Variants in SF3A1 observed in about 807,000 individuals in gnomAD.
SF3A1 encodes SAP 114.
A neutral mutation model predicts 89.9 loss-of-function variants in SF3A1; 13 were observed. That is an observed-to-expected ratio of 0.14 (90% CI 0.09 to 0.23). SF3A1 has a LOEUF of 0.23. Among genes scored for constraint, SF3A1 ranks in the 10% least tolerant of loss-of-function variants. The pLI is 1.00. For missense variants in SF3A1, 604 were observed against 1,022.1 expected, an observed-to-expected ratio of 0.59 and a Z score of 5.58; for synonymous variants, 405 against 374.4, an observed-to-expected ratio of 1.08 and a Z score of -0.94.
chr22:30,340,427 C>A lies in SF3A1; in HGVS notation c.1190-46G>T, dbSNP rs114920703. ...CAGTAAGAACACTGGTGGGCAGCCA[C>A]CTGAGTTAAGAGGGTGGTATTTCAT... On this transcript the variant is annotated intron_variant, in intron 8 of 15. Transcript: ENST00000215793. 2,446 of 1,590,332 alleles carry A rather than the reference C, an allele frequency of 1.5e-3. 34 individuals are homozygous for A. In the African/African-American group the frequency reaches 0.027, roughly 18 times the overall value.
In SF3A1 at chr22:30,334,423, GA is replaced by G. The variant is rs1931004100; in HGVS notation, c.*170del. The G allele has an allele frequency of 2.7e-5, 14 of 510,712 alleles. No homozygotes were observed. In the South Asian group the frequency reaches 3.5e-4, roughly 13 times the overall value. 31.6% of individuals were successfully genotyped at this position (510,712 alleles called of 1,614,324 possible). A position where few individuals can be genotyped will look rare whatever the true frequency, so the allele number is the denominator to read the frequency against. ...ACCCAGCTACTCTTACCAATGTGGG[GA>G]AAGGGTCAGGGGAATGAACCTCTGC... On this transcript the variant is annotated 3_prime_UTR_variant, in exon 16 of 16. Coordinates refer to ENST00000215793, the MANE Select transcript of SF3A1 (RefSeq NM_005877.6).
intron 13 of SF3A1, 100 bp downstream of exon 13, chr22:30,336,926 C>T: frequency 7.0e-7 from 1 of 1,435,284 alleles, no homozygotes; most frequent in Non-Finnish European, 9.8e-7. Flanking sequence ...CCCCAGAAGC[C>T]AAGACTGGGA....
chr22:30,349,701 T>C (rs891025179), intron 2 of SF3A1, among the ~76,000 whole-genome samples: 3 of 151,182 alleles, frequency 2.0e-5, no homozygotes, highest in African/African-American at 4.9e-5. Flanking sequence ...GGTCTTGCTC[T>C]ATCGCCCCAG....
rs1474994907 is a variant in SF3A1 at position 30,338,777 on chromosome 22, A to T, written c.1743+12T>A. ...TCTAAAAAAGTCAGTTCCAGGGTAG[A>T]TGCTGGCTTACTGTGGGTGGTCGGG... On this transcript the variant is annotated intron_variant, in intron 11 of 15. Coordinates refer to ENST00000215793, the MANE Select transcript of SF3A1 (RefSeq NM_005877.6). 1.9e-6 allele frequency: 3 copies of T among 1,613,842 alleles called. No individual in the cohort carries two copies. The highest frequency in any genetic ancestry group is 1.7e-4 in the Middle Eastern group (1 of 5,842).
intron 1 of SF3A1, among the ~76,000 whole-genome samples, chr22:30,355,145 T>G (rs1236205905): frequency 6.6e-6 from 1 of 151,984 alleles, no homozygotes; most frequent in African/African-American, 2.4e-5. Context: ...TCCCGAATAG[T>G]GGGGATTACA....
Position 30,335,460 on chromosome 22 carries a change from G to C in SF3A1, c.2280+7C>G. ...CAAGGGACAGGTCTGTGGACAAACTGACTCACCTCATACTGTAGCTTCTGT... is the reference window on the plus strand; with the variant it reads ...CAAGGGACAGGTCTGTGGACAAACTCACTCACCTCATACTGTAGCTTCTGT... On this transcript the variant is annotated splice_region_variant and intron_variant, in intron 15 of 15. Coordinates refer to ENST00000215793, the MANE Select transcript of SF3A1 (RefSeq NM_005877.6). The C allele has an allele frequency of 2.5e-6, 4 of 1,613,114 alleles. No individual in the cohort carries two copies. Among genetic ancestry groups the C allele is most frequent in the Non-Finnish European group, 3.4e-6 (4 of 1,179,148 alleles).
chr22:30,355,195 T>A (rs1241554552), intron 1 of SF3A1, among the ~76,000 whole-genome samples: 1 of 152,124 alleles, frequency 6.6e-6, no homozygotes, highest in Non-Finnish European at 1.5e-5. Context: ...TTATTTTTAG[T>A]AGAGACAGTT....
intron 4 of SF3A1, among the ~76,000 whole-genome samples, chr22:30,344,416 A>G (rs941870572): frequency 6.6e-6 from 1 of 152,254 alleles, no homozygotes. Flanking sequence ...TTATAAGCTG[A>G]AGAACCAAAG....
At chr22:30,354,709 C>T (rs576806812) in intron 1 of SF3A1, among the ~76,000 whole-genome samples, 26 of 152,308 alleles carry the variant, frequency 1.7e-4, no homozygotes, top group African/African-American at 6.0e-4. Flanking sequence ...CCCAGTCACC[C>T]ATGCCAGAAA....
intron 2 of SF3A1, among the ~76,000 whole-genome samples, chr22:30,350,082 A>G (rs1407108452): frequency 1.3e-5 from 2 of 152,188 alleles, no homozygotes; most frequent in African/African-American, 4.8e-5. Context: ...TGAGCCACAC[A>G]GAATTTTCTT....
Position 30,334,565 on chromosome 22 carries a change from G to T in SF3A1, c.*29C>A, listed in dbSNP as rs1321931449. ...GGTGGGAGACAGGAGAGGCAAAATG[G>T]CAGGGACTTGACAGCAGGTTCCTCT... On this transcript the variant is annotated 3_prime_UTR_variant, in exon 16 of 16. Coordinates refer to ENST00000215793, the MANE Select transcript of SF3A1 (RefSeq NM_005877.6). 6.9e-7 allele frequency: 1 copy of T among 1,459,218 alleles called. No homozygotes were observed. The highest frequency in any genetic ancestry group is 9.3e-7 in the Non-Finnish European group (1 of 1,078,890). 90.4% of individuals were successfully genotyped at this position (1,459,218 alleles called of 1,614,324 possible). A position where few individuals can be genotyped will look rare whatever the true frequency, so the allele number is the denominator to read the frequency against.
At position 30,348,155 on chromosome 22, in the gene SF3A1, G is replaced by A. The variant is rs75746442; in HGVS notation, c.186-1636C>T. Among the ~76,000 whole-genome samples, 1,023 of 152,316 alleles carry A rather than the reference G, an allele frequency of 6.7e-3. 18 individuals are homozygous for A. The highest frequency in any genetic ancestry group is 0.029 in the Admixed American group (450 of 15,302). On this transcript the variant is annotated intron_variant, in intron 2 of 15. Coordinates refer to ENST00000215793, the MANE Select transcript of SF3A1 (RefSeq NM_005877.6). Reference sequence around the variant, plus strand: ...CCAGCCCTCAAAGTCTTTTCAAATCGTACAGTGGCCTGCAAATGCAAGGGG... The same window carrying A: ...CCAGCCCTCAAAGTCTTTTCAAATCATACAGTGGCCTGCAAATGCAAGGGG...
chr22:30,334,483 G>A lies in SF3A1; in HGVS notation c.*111C>T, dbSNP rs1328185736. On this transcript the variant is annotated 3_prime_UTR_variant, in exon 16 of 16. Coordinates refer to ENST00000215793, the MANE Select transcript of SF3A1 (RefSeq NM_005877.6). ...TTGAATTCCCAAACTGAGTAAGAGC[G>A]AAACAAATATGCAGGCAAGGCAAAG... 4 of 659,688 alleles carry A rather than the reference G, an allele frequency of 6.1e-6. No individual in the cohort carries two copies. The highest frequency in any genetic ancestry group is 3.8e-5 in the African/African-American group (2 of 52,888). 40.9% of individuals were successfully genotyped at this position (659,688 alleles called of 1,614,324 possible).
intron 12 of SF3A1, 21 bp from the exon 13 acceptor site, chr22:30,337,201 A>C: frequency 1.9e-6 from 3 of 1,590,178 alleles, no homozygotes; most frequent in Non-Finnish European, 1.7e-6. Context: ...AAGAATAAGC[A>C]GCCCCATGAG....
chr22:30,348,808 G>A (rs763322797), intron 2 of SF3A1, among the ~76,000 whole-genome samples: 5 of 152,138 alleles, frequency 3.3e-5, no homozygotes, highest in Admixed American at 6.5e-5. Flanking sequence ...CAAATGCCTC[G>A]GGCAGACAAA....
chr22:30,347,672 C>T (rs919782797), intron 2 of SF3A1, among the ~76,000 whole-genome samples: 17 of 152,198 alleles, frequency 1.1e-4, no homozygotes, highest in African/African-American at 4.1e-4. Flanking sequence ...TCAGAAAGTA[C>T]ACGGACCTTA....
intron 4 of SF3A1, among the ~76,000 whole-genome samples, chr22:30,343,239 C>T (rs921597740): frequency 4.6e-5 from 7 of 152,142 alleles, no homozygotes; most frequent in African/African-American, 1.7e-4. Context: ...CTACGCAGGT[C>T]CCCCCTGACT....
rs1427234234 is a variant in SF3A1, at chr22:30,356,784, G to A, written c.9C>T (p.Ala3=). The A allele has an allele frequency of 7.0e-7, 1 of 1,426,380 alleles. No individual in the cohort carries two copies. Among genetic ancestry groups the A allele is most frequent in the Non-Finnish European group, 9.2e-7 (1 of 1,081,152 alleles). 88.4% of individuals were successfully genotyped at this position (1,426,380 alleles called of 1,614,324 possible). The change falls in exon 1 of 16, where the codon GCC becomes GCT. Residue 3 remains alanine (A), a synonymous_variant. Coordinates refer to ENST00000215793, the MANE Select transcript of SF3A1 (RefSeq NM_005877.6). The stretch of plus-strand genomic sequence containing the variant: ...GCGGGGGCACCGCCTGCACGGGTCC[G>A]GCCGGCATGACTGCGACGCTCAGGG... MP[A]GPVQAVPPPP...
chr22:30,340,522 CA>C, intron 8 of SF3A1, 141 bp from the exon 9 acceptor site: 1 of 931,816 alleles, frequency 1.1e-6, no homozygotes, highest in Non-Finnish European at 1.7e-6. Flanking sequence ...GGCACTAGGG[CA>C]CCAGAGATGA....
Sources: gnomAD v4.1 joint callset for allele counts (sites outside exome capture counted in the v4.1 genomes callset) on GRCh38, gnomAD v4.1.1 for gene constraint, MANE v1.5 for transcripts, NCBI Gene and HGNC (gene_info 2026-07-23, HGNC 2026-07-21) for gene names.